The following PDE8B variants were observed in gnomAD, a reference collection of about 807,000 sequenced individuals.
PDE8B encodes the protein high affinity cAMP-specific and IBMX-insensitive 3',5'-cyclic phosphodiesterase 8B.
In PDE8B, 26 loss-of-function variants were observed where a neutral mutation model predicts 101.3. That is an observed-to-expected ratio of 0.26 (90% confidence interval 0.19 to 0.36). PDE8B has a LOEUF of 0.36. Ranked by LOEUF, PDE8B falls within the 10% of genes least tolerant of loss-of-function variation. The pLI is 1.00. For synonymous variants in PDE8B, 424 were observed against 429.3 expected (o/e 0.99, Z 0.15); for missense variants, 810 against 1,163.1 (o/e 0.70, Z 4.42).
At chr5:77,097,146 A>G in the PDE8B span, among the ~76,000 whole-genome samples, 1 of 152,210 alleles carries the variant, frequency 6.6e-6, no homozygotes, top group East Asian at 1.9e-4. Flanking sequence ...GAAGGGAAGG[A>G]AGAAGAGAAG....
the PDE8B span, among the ~76,000 whole-genome samples, chr5:77,154,850 T>C: frequency 6.6e-6 from 1 of 152,214 alleles, no homozygotes; most frequent in East Asian, 1.9e-4. Flanking sequence ...TAAAAATCTA[T>C]GGTGCCCTGC....
the PDE8B span, among the ~76,000 whole-genome samples, chr5:77,162,624 T>C: frequency 6.6e-6 from 1 of 152,202 alleles, no homozygotes; most frequent in African/African-American, 2.4e-5. Context: ...CAGTTGATTT[T>C]TGACCAAATA....
the PDE8B span, among the ~76,000 whole-genome samples, chr5:77,096,663 C>T: frequency 6.6e-6 from 1 of 152,200 alleles, no homozygotes; most frequent in South Asian, 2.1e-4. Flanking sequence ...GATTATGTTT[C>T]AACATGAGTT....
the PDE8B span, among the ~76,000 whole-genome samples, chr5:77,178,169 T>C: frequency 6.6e-6 from 1 of 152,226 alleles, no homozygotes. Context: ...GCTTTTCTTT[T>C]TCTTTTATAG....
intron 8 of PDE8B, among the ~76,000 whole-genome samples, chr5:77,350,557 C>A (rs886254810): frequency 1.3e-5 from 2 of 152,002 alleles, no homozygotes; most frequent in Non-Finnish European, 2.9e-5. Flanking sequence ...GCCAGAGTAA[C>A]CCCCGAGAAG....
chr5:77,341,993 C>G (rs1480104729), intron 6 of PDE8B, among the ~76,000 whole-genome samples: 1 of 152,198 alleles, frequency 6.6e-6, no homozygotes, highest in Non-Finnish European at 1.5e-5. Flanking sequence ...CACTTACCTT[C>G]TCACACTGAT....
At chr5:77,367,303 C>T (rs988715412) in intron 10 of PDE8B, among the ~76,000 whole-genome samples, 1 of 152,268 alleles carries the variant, frequency 6.6e-6, no homozygotes, top group South Asian at 2.1e-4. Context: ...TCCTGGGGTA[C>T]ACTCTGGTTC....
At chr5:77,389,478 G>A (rs1056146461) in intron 10 of PDE8B, among the ~76,000 whole-genome samples, 6 of 151,498 alleles carry the variant, frequency 4.0e-5, no homozygotes, top group South Asian at 2.1e-4. Flanking sequence ...CTTCTGCGGC[G>A]ATCTCTCTGG....
chr5:77,392,904 A>T (rs1232536949), intron 10 of PDE8B, among the ~76,000 whole-genome samples: 1 of 152,232 alleles, frequency 6.6e-6, no homozygotes, highest in African/African-American at 2.4e-5. Flanking sequence ...ACAATGAGAG[A>T]TACTTAACAT....
At position 77,421,731 on chromosome 5, in the gene PDE8B, C is replaced by G. The variant is rs536719618; in HGVS notation, c.2251-90C>G. ...CGAGTCCCAGTCCTACCTGTGTGCT[C>G]GGTGATCACCATCGAATGCCTGGCG... is the stretch of plus-strand genomic sequence containing the variant. On this transcript the variant is annotated intron_variant, in intron 19 of 21. Transcript: ENST00000264917. The G allele has an allele frequency of 3.2e-6, 4 of 1,254,206 alleles. No homozygotes were observed. The African/African-American group carries it at 4.4e-5, about 14-fold the overall frequency. 77.7% of individuals were successfully genotyped at this position (1,254,206 alleles called of 1,614,324 possible).
chr5:77,102,787 C>T, the PDE8B span, among the ~76,000 whole-genome samples: 1 of 152,202 alleles, frequency 6.6e-6, no homozygotes, highest in Admixed American at 6.5e-5. Flanking sequence ...AACCCAGCTG[C>T]CAGCCACGCC....
chr5:77,202,815 A>G, the PDE8B span, among the ~76,000 whole-genome samples: 1 of 152,070 alleles, frequency 6.6e-6, no homozygotes, highest in African/African-American at 2.4e-5. Context: ...ATGGGGTTTC[A>G]CCATGTGAAA....
chr5:77,372,244 A>G (rs1358375679), intron 10 of PDE8B, among the ~76,000 whole-genome samples: 2 of 149,074 alleles, frequency 1.3e-5, no homozygotes, highest in African/African-American at 2.5e-5. Context: ...GATTTTTAAA[A>G]TTAGCTTTCT....
chr5:77,216,613 TCAGGGTGGTTATGGGAAGCTGAGAAAC>T (rs1298709420), intron 1 of PDE8B, among the ~76,000 whole-genome samples: 4 of 152,086 alleles, frequency 2.6e-5, no homozygotes, highest in Non-Finnish European at 5.9e-5. Context: ...CCAAACCATA[TCAGGGTGGTTATGGGAAGCTGAGAAAC>T]CAGGGTAGTT....
chr5:77,118,429 A>C, the PDE8B span: 1 of 398,504 alleles, frequency 2.5e-6, no homozygotes, highest in Non-Finnish European at 4.4e-6. Flanking sequence ...GATGCTGGAG[A>C]GTCATGAGGT....
At chr5:77,282,958 G>T (rs1412306608) in intron 1 of PDE8B, among the ~76,000 whole-genome samples, 1 of 152,000 alleles carries the variant, frequency 6.6e-6, no homozygotes, top group Non-Finnish European at 1.5e-5. Flanking sequence ...TACCTTTGCT[G>T]GGAGGTGCCT....
chr5:77,225,442 T>G (rs1159465393), intron 1 of PDE8B, among the ~76,000 whole-genome samples: 1 of 152,232 alleles, frequency 6.6e-6, no homozygotes, highest in Non-Finnish European at 1.5e-5. Context: ...CTTTTCATAG[T>G]CTGCTAGTAA....
At chr5:77,155,211 G>A in the PDE8B span, among the ~76,000 whole-genome samples, 2 of 150,842 alleles carry the variant, frequency 1.3e-5, no homozygotes, top group South Asian at 4.5e-4. Context: ...TATGTGTGGA[G>A]AGAGAGAAAA....
intron 11 of PDE8B, among the ~76,000 whole-genome samples, chr5:77,400,590 G>T (rs2151002823): frequency 6.6e-6 from 1 of 152,270 alleles, no homozygotes; most frequent in African/African-American, 2.4e-5. Context: ...CGAAAGTCTA[G>T]GGGAGACACT....
Sources: allele counts gnomAD v4.1 joint callset (sites outside exome capture counted in the v4.1 genomes callset), GRCh38; gene constraint gnomAD v4.1.1; transcripts MANE v1.5; gene names NCBI Gene and HGNC (gene_info 2026-07-23, HGNC 2026-07-21).